The following BMP2K variants were observed in gnomAD, a reference collection of about 807,000 sequenced individuals.
BMP2K encodes BMP2 inducible kinase, also known as BMP-2-inducible protein kinase.
Under a neutral mutation model 116.0 loss-of-function variants are expected in BMP2K, and 74 were observed. That is an observed-to-expected ratio of 0.64 (90% CI 0.53 to 0.77). The LOEUF (loss-of-function observed/expected upper bound fraction) is 0.77. Ranked by LOEUF, BMP2K falls within the 30% of genes least tolerant of loss-of-function variation. The probability of loss-of-function intolerance (pLI) is 0.00; values close to 1 mark genes in which losing one functional copy is unlikely to be tolerated. For missense variants in BMP2K, 1,365 were observed against 1,403.6 expected, an observed-to-expected ratio of 0.97 and a Z score of 0.44; for synonymous variants, 486 against 502.5, an observed-to-expected ratio of 0.97 and a Z score of 0.44.
chr4:78,883,837 GGA>G (rs1265453289), intron 14 of BMP2K, among the ~76,000 whole-genome samples: 2 of 152,090 alleles, frequency 1.3e-5, no homozygotes, highest in East Asian at 3.9e-4. Context: ...TGAGGTGGGA[GGA>G]TTGCTTGAGG....
At chr4:78,854,239 G>T (rs2110037319) in intron 7 of BMP2K, among the ~76,000 whole-genome samples, 1 of 146,596 alleles carries the variant, frequency 6.8e-6, no homozygotes, top group South Asian at 2.1e-4. Context: ...GCTCTTAAGA[G>T]CTCATCTATT....
chr4:78,804,580 T>C (rs762626535), intron 1 of BMP2K, among the ~76,000 whole-genome samples: 1 of 152,196 alleles, frequency 6.6e-6, no homozygotes, highest in Non-Finnish European at 1.5e-5. Context: ...AATTTCTTCA[T>C]ATCCTTGCCA....
At position 78,850,952 on chromosome 4, in the gene BMP2K, GT is replaced by G. The variant is rs1731221946; in HGVS notation, c.782del (p.Phe261SerfsTer33). The G allele has an allele frequency of 6.2e-7, 1 of 1,611,934 alleles. No individual in the cohort carries two copies. On this transcript the variant is annotated frameshift_variant, in exon 7 of 16. Coordinates refer to ENST00000502613, the MANE Select transcript of BMP2K (RefSeq NM_198892.2). LOFTEE classifies it high-confidence loss of function. ...WALGCLLYKL[C>X]FFTLPFGESQ... The stretch of plus-strand genomic sequence containing the variant: ...CTGGGATGTCTACTCTATAAACTTT[GT>G]TTCTTCACTCTTCCTTTTGGTGAGA...
rs762599499 is a variant in BMP2K, at chr4:78,911,698, G to A, written c.3151G>A (p.Asp1051Asn). Residue 1051 changes from aspartate to asparagine, a missense_variant, in exon 16 of 16, where the codon GAT (aspartate) becomes AAT (asparagine). By Grantham distance (23) the Asp-to-Asn change is conservative. Coordinates refer to ENST00000502613, the MANE Select transcript of BMP2K (RefSeq NM_198892.2). ...SKENISVALT[D>N]GKDRGNVLQP... ...GGAGAACATTAGTGTTGCACTGACT[G>A]ATGGGAAAGATAGGGGGAATGTCTT... The A allele has an allele frequency of 1.9e-6, 3 of 1,613,904 alleles. No individual in the cohort carries two copies. Among genetic ancestry groups the A allele is most frequent in the Admixed American group, 3.3e-5 (2 of 60,014 alleles).
At chr4:78,844,827 A>G (rs1344686325) in intron 4 of BMP2K, 101 bp from the exon 5 acceptor site, 2 of 1,058,548 alleles carry the variant, frequency 1.9e-6, no homozygotes, top group Non-Finnish European at 2.8e-6. Context: ...TATTGTGTAA[A>G]AATAAGCTTC....
chr4:78,854,044 C>T (rs1365375570), intron 7 of BMP2K, among the ~76,000 whole-genome samples: 1 of 151,782 alleles, frequency 6.6e-6, no homozygotes. Context: ...GTGGATCTAC[C>T]AAAGGCTTAC....
At chr4:78,789,639 C>A (rs1578467740) in intron 1 of BMP2K, among the ~76,000 whole-genome samples, 1 of 152,196 alleles carries the variant, frequency 6.6e-6, no homozygotes, top group South Asian at 2.1e-4. Flanking sequence ...GGCAGTCAAA[C>A]CATGTGTTAC....
At chr4:78,794,090 A>G (rs1470756646) in intron 1 of BMP2K, among the ~76,000 whole-genome samples, 1 of 152,132 alleles carries the variant, frequency 6.6e-6, no homozygotes, top group African/African-American at 2.4e-5. Context: ...AGGCCGTGTG[A>G]CCAAAGAAAA....
At chr4:78,795,873 T>C (rs979308638) in intron 1 of BMP2K, among the ~76,000 whole-genome samples, 4 of 151,822 alleles carry the variant, frequency 2.6e-5, no homozygotes, top group African/African-American at 9.7e-5. Context: ...ATGGCAATCA[T>C]TAAAAAGTCA....
At position 78,841,261 on chromosome 4, in the gene BMP2K, TAAAGG is replaced by T. The variant is rs946410260; in HGVS notation, c.404-1119_404-1115del. On this transcript the variant is annotated intron_variant, in intron 3 of 15. Coordinates refer to ENST00000502613, the MANE Select transcript of BMP2K (RefSeq NM_198892.2). ...CATATGTTCATTTATCTAACCTTGTTAAAGGAAAGTTGCAAGTTAATGAATGCTTT... is the reference window on the plus strand; with the variant it reads ...CATATGTTCATTTATCTAACCTTGTTAAAGTTGCAAGTTAATGAATGCTTT... Among the ~76,000 whole-genome samples the T allele has an allele frequency of 3.9e-5, 6 of 152,330 alleles. No homozygotes were observed. The South Asian group carries it at 6.2e-4, about 16-fold the overall frequency.
chr4:78,909,515 CTCATGTTG>C (rs1388381716), intron 15 of BMP2K, among the ~76,000 whole-genome samples: 1 of 152,108 alleles, frequency 6.6e-6, no homozygotes, highest in Non-Finnish European at 1.5e-5. Flanking sequence ...TCTTCCTTAC[CTCATGTTG>C]TACCTGATCC....
chr4:78,890,050 G>T (rs532848456), intron 15 of BMP2K, among the ~76,000 whole-genome samples: 47 of 152,018 alleles, frequency 3.1e-4, no homozygotes, highest in African/African-American at 1.1e-3. Flanking sequence ...CTTTGATACT[G>T]TAATAGATTA....
rs188481381 is a variant in BMP2K at position 78,910,693 on chromosome 4, C to T, written c.2146C>T (p.Pro716Ser). 6.9e-4 allele frequency: 1,119 copies of T among 1,611,086 alleles called. 1 individual carries two copies. Among genetic ancestry groups the T allele is most frequent in the Non-Finnish European group, 9.1e-4 (1,069 of 1,179,098 alleles). Residue 716 changes from proline to serine, a missense_variant, in exon 16 of 16, where the codon CCA becomes TCA. Around this residue, in one of 3 missense-constraint regions of BMP2K, gnomAD observed 596 missense variants for 623.2 expected, o/e 0.96. Transcript: ENST00000502613. ...ANPIKNGKTS[P>S]ASKDQRTGKK... is the part of the protein sequence containing the mutation. ...CCCTATCAAGAACGGTAAAACAAGT[C>T]CAGCATCTAAAGATCAGCGGACTGG...
chr4:78,809,327 A>G (rs576394384), intron 1 of BMP2K, among the ~76,000 whole-genome samples: 1 of 149,690 alleles, frequency 6.7e-6, no homozygotes, highest in South Asian at 2.1e-4. Context: ...TTTAGTTTTA[A>G]TCTACTTGTG....
rs1732015952 is a variant in BMP2K at position 78,865,712 on chromosome 4, G to T, written c.1223G>T (p.Arg408Ile). 1 of 1,613,870 alleles carries T rather than the reference G, an allele frequency of 6.2e-7. No individual in the cohort carries two copies. Among genetic ancestry groups the T allele is most frequent in the African/African-American group, 1.3e-5 (1 of 74,914 alleles). Reference sequence around the variant, plus strand: ...GCTCCTGGTGAATTCGGTAACCATAGACCAAAAGGTAATAGAGCCCCGCCA... The same window carrying T: ...GCTCCTGGTGAATTCGGTAACCATATACCAAAAGGTAATAGAGCCCCGCCA... Reference protein sequence around the residue: ...VLAPGEFGNHRPKGALRPGNG... With the variant: ...VLAPGEFGNHIPKGALRPGNG... Residue 408 changes from arginine (R) to isoleucine (I), a missense_variant, in exon 10 of 16, where the codon AGA (arginine) becomes ATA (isoleucine). Physicochemically the swap from Arg to Ile is moderately conservative, Grantham distance 97. Coordinates refer to ENST00000502613, the MANE Select transcript of BMP2K (RefSeq NM_198892.2).
chr4:78,873,434 T>C (rs995798248), intron 13 of BMP2K, among the ~76,000 whole-genome samples: 5 of 152,126 alleles, frequency 3.3e-5, no homozygotes, highest in Non-Finnish European at 5.9e-5. Context: ...CCTCCTAATG[T>C]TTTTAGATAC....
chr4:78,783,886 T>G (rs754949995), intron 1 of BMP2K, among the ~76,000 whole-genome samples: 24 of 152,180 alleles, frequency 1.6e-4, no homozygotes, highest in Non-Finnish European at 2.9e-4. Context: ...TCTTTGCTTT[T>G]AGGCTGTAGT....
At chr4:78,852,076 A>AC (rs1731279240) in intron 7 of BMP2K, among the ~76,000 whole-genome samples, 1 of 152,126 alleles carries the variant, frequency 6.6e-6, no homozygotes, top group Non-Finnish European at 1.5e-5. Context: ...AGCATAGAAG[A>AC]AATCTAGTCT....
intron 1 of BMP2K, among the ~76,000 whole-genome samples, chr4:78,803,553 A>G (rs1728674770): frequency 6.6e-6 from 1 of 151,794 alleles, no homozygotes; most frequent in Non-Finnish European, 1.5e-5. Context: ...ACATTTTTGT[A>G]TTTTTAGTAG....
Sources: gnomAD v4.1 joint callset for allele counts (sites outside exome capture counted in the v4.1 genomes callset) on GRCh38, gnomAD v4.1.1 for gene constraint, gnomAD v4.1.1 regional missense constraint, MANE v1.5 for transcripts, NCBI Gene and HGNC (gene_info 2026-07-23, HGNC 2026-07-21) for gene names.